SGCZ: variants seen among roughly 807,000 people sequenced by gnomAD.
The protein encoded by SGCZ is sarcoglycan zeta.
SGCZ carries 40 observed loss-of-function variants against 41.3 expected under a neutral mutation model. The ratio of observed to expected loss-of-function variants is 0.97; its 90% CI spans 0.75 to 1.26. The LOEUF is 1.26. Among genes scored for constraint, SGCZ ranks in the 50% most tolerant of loss-of-function variants. SGCZ has a pLI of 0.00. For missense variants in SGCZ, 552 were observed against 369.8 expected (o/e 1.49, Z -4.04); for synonymous variants, 206 against 137.5 (o/e 1.50, Z -3.49).
intron 4 of SGCZ, among the ~76,000 whole-genome samples, chr8:14,221,448 G>A (rs1175862010): frequency 6.6e-6 from 1 of 152,254 alleles, no homozygotes; most frequent in Middle Eastern, 3.4e-3. Context: ...CTGAAATATG[G>A]TGGCACCCAT....
At chr8:14,875,956 A>C (rs1804342776) in intron 1 of SGCZ, among the ~76,000 whole-genome samples, 2 of 152,150 alleles carry the variant, frequency 1.3e-5, no homozygotes, top group African/African-American at 4.8e-5. Context: ...TCATTCTCTA[A>C]AACAATGGGA....
intron 2 of SGCZ, among the ~76,000 whole-genome samples, chr8:14,484,060 A>G (rs1801607302): frequency 6.6e-6 from 1 of 152,176 alleles, no homozygotes; most frequent in South Asian, 2.1e-4. Context: ...TTTATTAGAC[A>G]TCACATGTTA....
chr8:15,030,381 AG>A (rs769986105), intron 1 of SGCZ, among the ~76,000 whole-genome samples: 5 of 152,182 alleles, frequency 3.3e-5, no homozygotes, highest in Non-Finnish European at 5.9e-5. Context: ...TCCTTAAAGC[AG>A]TAAAAAAAAG....
chr8:14,238,590 T>G (rs1398130684), intron 3 of SGCZ, among the ~76,000 whole-genome samples: 1 of 152,184 alleles, frequency 6.6e-6, no homozygotes, highest in South Asian at 2.1e-4. Context: ...GCTCACATAT[T>G]AGGCTTCTGT....
chr8:15,001,974 G>A (rs1802441636), intron 1 of SGCZ, among the ~76,000 whole-genome samples: 2 of 152,104 alleles, frequency 1.3e-5, no homozygotes, highest in Non-Finnish European at 2.9e-5. Flanking sequence ...GAGCGAAGAA[G>A]ATTTGAGAAT....
intron 3 of SGCZ, among the ~76,000 whole-genome samples, chr8:14,241,541 TC>T (rs1485726599): frequency 2.7e-5 from 2 of 75,208 alleles, no homozygotes; most frequent in Non-Finnish European, 5.0e-5. Context: ...AACATAAATA[TC>T]TTTTTTTTTT....
chr8:14,952,609 G>A (rs1800675047), intron 1 of SGCZ, among the ~76,000 whole-genome samples: 2 of 152,130 alleles, frequency 1.3e-5, no homozygotes, highest in African/African-American at 4.8e-5. Context: ...AATGATGCTT[G>A]TTAGTAGAAC....
At chr8:14,919,540 A>C (rs1799530747) in intron 1 of SGCZ, among the ~76,000 whole-genome samples, 1 of 152,192 alleles carries the variant, frequency 6.6e-6, no homozygotes, top group African/African-American at 2.4e-5. Flanking sequence ...GAGTCACATA[A>C]ATGATAAAAA....
At chr8:14,119,416 C>G (rs1419079146) in intron 5 of SGCZ, among the ~76,000 whole-genome samples, 2 of 152,088 alleles carry the variant, frequency 1.3e-5, no homozygotes, top group Admixed American at 6.6e-5. Flanking sequence ...GATTTTGTAT[C>G]CTGAGAGTTT....
At chr8:14,501,479 C>A (rs976132832) in intron 2 of SGCZ, among the ~76,000 whole-genome samples, 1 of 151,642 alleles carries the variant, frequency 6.6e-6, no homozygotes, top group Non-Finnish European at 1.5e-5. Flanking sequence ...TGACATATAC[C>A]ATATAAATGT....
chr8:14,435,564 G>C (rs1489689542), intron 2 of SGCZ, among the ~76,000 whole-genome samples: 3 of 152,050 alleles, frequency 2.0e-5, no homozygotes, highest in Non-Finnish European at 4.4e-5. Flanking sequence ...CAACTTCTGA[G>C]CCACGATAGT....
intron 1 of SGCZ, among the ~76,000 whole-genome samples, chr8:15,071,186 T>C (rs1335127922): frequency 6.6e-6 from 1 of 152,194 alleles, no homozygotes; most frequent in Non-Finnish European, 1.5e-5. Flanking sequence ...TTATAATGTT[T>C]AAGTAATTAG....
At chr8:14,454,342 C>G (rs1800682648) in intron 2 of SGCZ, among the ~76,000 whole-genome samples, 2 of 152,138 alleles carry the variant, frequency 1.3e-5, no homozygotes, top group African/African-American at 4.8e-5. Flanking sequence ...GGGAAACATG[C>G]TACCTTAATC....
rs557546696 is a variant in SGCZ, at chr8:14,991,086, T to C, written c.39+246499A>G. On this transcript the variant is annotated intron_variant, in intron 1 of 7. Coordinates refer to ENST00000382080, the MANE Select transcript of SGCZ (RefSeq NM_139167.4). ...AATTTTCATGAGTTTAAACCACTCA[T>C]ACCACTCCAAAACAAATATTTTTAA... 3.0e-4 allele frequency among the ~76,000 whole-genome samples: 45 copies of C among 152,336 alleles called. No homozygotes were observed. The South Asian group carries it at 7.5e-3, about 25-fold the overall frequency.
rs1042948515 is a variant in SGCZ at position 14,488,557 on chromosome 8, C to A, written c.234+66175G>T. Reference sequence around the variant, plus strand: ...AGTTTTACAACATGGAAATGCCTCTCAAGGATCTCGGAGCTAACCCATTGA... The same window carrying A: ...AGTTTTACAACATGGAAATGCCTCTAAAGGATCTCGGAGCTAACCCATTGA... On this transcript the variant is annotated intron_variant, in intron 2 of 7. Transcript: ENST00000382080. Among the ~76,000 whole-genome samples the A allele has an allele frequency of 5.3e-5, 8 of 152,216 alleles. No homozygotes were observed. The East Asian group carries it at 1.4e-3, about 26-fold the overall frequency.
At chr8:14,190,006 C>CTTTT (rs1805039259) in intron 4 of SGCZ, among the ~76,000 whole-genome samples, 1 of 63,560 alleles carries the variant, frequency 1.6e-5, no homozygotes, top group African/African-American at 7.1e-5. Flanking sequence ...CTTTTTCTTT[C>CTTTT]TTTCTTTCTT....
intron 2 of SGCZ, among the ~76,000 whole-genome samples, chr8:14,502,983 G>C (rs1014766556): frequency 6.6e-6 from 1 of 152,108 alleles, no homozygotes; most frequent in Non-Finnish European, 1.5e-5. Context: ...CTACTATAAA[G>C]ACACATGCAC....
At chr8:14,573,575 A>G (rs999791460) in intron 1 of SGCZ, among the ~76,000 whole-genome samples, 1 of 152,056 alleles carries the variant, frequency 6.6e-6, no homozygotes, top group South Asian at 2.1e-4. Flanking sequence ...TTTTTCATCC[A>G]AACAGTATCT....
At chr8:14,213,514 T>C (rs1208938694) in intron 4 of SGCZ, among the ~76,000 whole-genome samples, 1 of 152,060 alleles carries the variant, frequency 6.6e-6, no homozygotes, top group African/African-American at 2.4e-5. Context: ...AATAAGAGAA[T>C]ATGTTATCAG....
Sources: allele counts gnomAD v4.1 joint callset (sites outside exome capture counted in the v4.1 genomes callset), GRCh38; gene constraint gnomAD v4.1.1; transcripts MANE v1.5; gene names NCBI Gene and HGNC (gene_info 2026-07-23, HGNC 2026-07-21).